NCAPH2: variants seen among roughly 807,000 people sequenced by gnomAD.
NCAPH2 encodes the protein condensin-2 complex subunit H2.
Under a neutral mutation model 88.6 loss-of-function variants are expected in NCAPH2, and 56 were observed. That is an observed-to-expected ratio of 0.63 (90% confidence interval 0.51 to 0.79). NCAPH2 has a LOEUF of 0.79. NCAPH2 is among the 30% of genes least tolerant of loss of function. The probability of loss-of-function intolerance (pLI) is 0.00; values close to 1 mark genes in which losing one functional copy is unlikely to be tolerated. For missense variants in NCAPH2, 794 were observed against 792.0 expected (o/e 1.00, Z -0.03); for synonymous variants, 378 against 313.6 (o/e 1.21, Z -2.17).
chr22:50,516,357 G>A (rs1482027905), intron 1 of NCAPH2, 90 bp from the exon 2 acceptor site: 3 of 1,218,134 alleles, frequency 2.5e-6, no homozygotes, highest in Non-Finnish European at 3.6e-6. Flanking sequence ...GAGGTGCTGG[G>A]CAGAGACCAA....
intron 1 of NCAPH2, among the ~76,000 whole-genome samples, chr22:50,511,285 CTTT>C (rs910583115): frequency 9.1e-6 from 1 of 109,670 alleles, no homozygotes. Context: ...GCCTCAGCCT[CTTT>C]TTTTTTTTTT....
intron 8 of NCAPH2, 31 bp downstream of exon 8, chr22:50,518,763 A>T: frequency 6.4e-7 from 1 of 1,574,498 alleles, no homozygotes; most frequent in Non-Finnish European, 8.6e-7. Flanking sequence ...TGGGACTGGC[A>T]GGGCAGCCAA....
In NCAPH2 at chr22:50,524,054, G is replaced by C; in HGVS notation, c.*679G>C. On this transcript the variant is annotated 3_prime_UTR_variant, in exon 20 of 20. Transcript: ENST00000420993. ...AAGTACATCAGCACCCACTGGCCCC[G>C]GAAGTCAGCCTTGCAGCGAGCCCGG... 1 of 1,613,390 alleles carries C rather than the reference G, an allele frequency of 6.2e-7. No homozygotes were observed. The highest frequency in any genetic ancestry group is 1.7e-5 in the Admixed American group (1 of 60,024).
At chr22:50,516,311 G>C in intron 1 of NCAPH2, 136 bp from the exon 2 acceptor site, 6 of 698,228 alleles carry the variant, frequency 8.6e-6, no homozygotes, top group Non-Finnish European at 1.2e-5. Flanking sequence ...GGGACAACCG[G>C]TGAGCCCACA....
chr22:50,522,029 G>A lies in NCAPH2; in HGVS notation c.1152G>A (p.Pro384=), dbSNP rs1225217111. The part of the protein sequence containing the change: ...ADSRRLRRKG[P]SFADMEVLYW... ...GCAGGCGGCTTCGGCGAAAGGGTCCGTCCTTTGCAGGTGAGGCTGAAGTCC... is the reference window on the plus strand; with the variant it reads ...GCAGGCGGCTTCGGCGAAAGGGTCCATCCTTTGCAGGTGAGGCTGAAGTCC... The change falls in exon 13 of 20, where the codon CCG becomes CCA. Residue 384 remains proline (P), a synonymous_variant. Transcript: ENST00000420993. 1.1e-5 allele frequency: 17 copies of A among 1,613,918 alleles called. No homozygotes were observed. In the Admixed American group the frequency reaches 1.5e-4, roughly 14 times the overall value.
intron 9 of NCAPH2, among the ~76,000 whole-genome samples, chr22:50,520,061 G>A (rs1252224527): frequency 1.3e-5 from 2 of 151,890 alleles, no homozygotes; most frequent in Admixed American, 6.6e-5. Context: ...TAGTAGAGAC[G>A]GGGTTTCACC....
At chr22:50,518,468 G>A (rs1379415704) in intron 7 of NCAPH2, among the ~76,000 whole-genome samples, 181 bp from the exon 8 acceptor site, 2 of 152,174 alleles carry the variant, frequency 1.3e-5, no homozygotes, top group Non-Finnish European at 2.9e-5. Flanking sequence ...AAGTTAACAT[G>A]GTCTCAGTGC....
chr22:50,523,652 C>G lies in NCAPH2; in HGVS notation c.*277C>G. On this transcript the variant is annotated 3_prime_UTR_variant, in exon 20 of 20. Transcript: ENST00000420993. ...CGGAAAGCCGCCATGTGCCGCCGCACACTGTCTGAGATCTGCTCAGCCGAT... is the reference window on the plus strand; with the variant it reads ...CGGAAAGCCGCCATGTGCCGCCGCAGACTGTCTGAGATCTGCTCAGCCGAT... 6.2e-7 allele frequency: 1 copy of G among 1,614,004 alleles called. No homozygotes were observed.
chr22:50,521,437 C>A, intron 10 of NCAPH2, 106 bp from the exon 11 acceptor site: 1 of 1,193,108 alleles, frequency 8.4e-7, no homozygotes, highest in Non-Finnish European at 1.2e-6. Flanking sequence ...CGGCTGTGTA[C>A]CCCCTACTCT....
chr22:50,523,356 C>A lies in NCAPH2; in HGVS notation c.1799C>A (p.Pro600His), dbSNP rs906544182. 3.9e-6 allele frequency: 6 copies of A among 1,552,930 alleles called. No homozygotes were observed. The highest frequency in any genetic ancestry group is 5.2e-6 in the Non-Finnish European group (6 of 1,148,662). ...AAGCGCTTCCAGACCTACGCTGCCC[C>A]CTCCATGGCCCAGCCCTGAGTGGGG... ...AHKRFQTYAA[P>H]SMAQP is the part of the protein sequence containing the mutation. Residue 600 changes from proline (P) to histidine (H), a missense_variant, in exon 20 of 20, where the codon CCC (proline) becomes CAC (histidine). Pro to His is a moderately conservative substitution (Grantham distance 77). Transcript: ENST00000420993.
Position 50,523,873 on chromosome 22 carries a change from T to C in NCAPH2, c.*498T>C, listed in dbSNP as rs1416767658. 8 of 1,613,870 alleles carry C rather than the reference T, an allele frequency of 5.0e-6. No individual in the cohort carries two copies. Among genetic ancestry groups the C allele is most frequent in the Non-Finnish European group, 5.9e-6 (7 of 1,180,040 alleles). On this transcript the variant is annotated 3_prime_UTR_variant, in exon 20 of 20. Transcript: ENST00000420993. ...CAGTCTTGGGTGGAAGTCCTGGACG[T>C]AGCGGGCCATGGCTTCAACGTCGTC... is the stretch of plus-strand genomic sequence containing the variant.
chr22:50,519,709 C>T, intron 9 of NCAPH2: 1 of 1,067,516 alleles, frequency 9.4e-7, no homozygotes, highest in African/African-American at 1.7e-5. Flanking sequence ...AGCCTAGAGC[C>T]AAGAAATCCT....
chr22:50,521,494 G>T, intron 10 of NCAPH2, 49 bp from the exon 11 acceptor site: 2 of 1,592,244 alleles, frequency 1.3e-6, no homozygotes, highest in South Asian at 2.2e-5. Flanking sequence ...TGGGAGGGAC[G>T]GCTGTGCACC....
intron 10 of NCAPH2, 44 bp downstream of exon 10, chr22:50,521,080 G>C: frequency 6.5e-7 from 1 of 1,540,180 alleles, no homozygotes; most frequent in Non-Finnish European, 8.8e-7. Flanking sequence ...AGGGATGGGC[G>C]GATTCGAGGA....
rs2069248842 is a variant in NCAPH2 at position 50,524,588 on chromosome 22, C to G, written c.*1213C>G. ...CCTGAGCTCAGAACTCCACCTCCAC[C>G]AAACATCCACACCTGGGCAACCACA... is the stretch of plus-strand genomic sequence containing the variant. On this transcript the variant is annotated 3_prime_UTR_variant, in exon 20 of 20. Coordinates refer to ENST00000420993, the MANE Select transcript of NCAPH2 (RefSeq NM_152299.4). 1.4e-6 allele frequency: 1 copy of G among 730,736 alleles called. No individual in the cohort carries two copies. The highest frequency in any genetic ancestry group is 2.5e-6 in the Non-Finnish European group (1 of 398,760). 45.3% of individuals were successfully genotyped at this position (730,736 alleles called of 1,614,324 possible). A position where few individuals can be genotyped will look rare whatever the true frequency, so the allele number is the denominator to read the frequency against.
intron 9 of NCAPH2, 51 bp from the exon 10 acceptor site, chr22:50,520,914 G>A: frequency 1.9e-6 from 3 of 1,545,428 alleles, no homozygotes; most frequent in Admixed American, 2.0e-5. Context: ...GGTACCCAGA[G>A]CCTTGAGGGG....
rs1569520960 is a variant in NCAPH2, at chr22:50,521,036, G to C, written c.933G>C (p.Lys311Asn). The change falls in exon 10 of 20, where the codon AAG becomes AAC. Residue 311 changes from lysine (K) to asparagine (N), a missense_variant and splice_region_variant. By Grantham distance (94) the Lys-to-Asn change is moderately conservative (BLOSUM62 0). Transcript: ENST00000420993. Reference sequence around the variant, plus strand: ...CCCCAGAGCCTGCATCCTGCGTGAAGGTAGGAGTGTTGGGGCCCTGACCCC... The same window carrying C: ...CCCCAGAGCCTGCATCCTGCGTGAACGTAGGAGTGTTGGGGCCCTGACCCC... ...EGAPEPASCV[K>N]ETPDPWQSLD... 1 of 1,550,308 alleles carries C rather than the reference G, an allele frequency of 6.5e-7. No homozygotes were observed. The highest frequency in any genetic ancestry group is 8.7e-7 in the Non-Finnish European group (1 of 1,146,814).
chr22:50,517,737 C>T lies in NCAPH2; in HGVS notation c.352-4C>T, dbSNP rs780923245. 18 of 1,613,986 alleles carry T rather than the reference C, an allele frequency of 1.1e-5. No individual in the cohort carries two copies. Among genetic ancestry groups the T allele is most frequent in the Non-Finnish European group, 1.4e-5 (16 of 1,180,052 alleles). On this transcript the variant is annotated splice_polypyrimidine_tract_variant and splice_region_variant and intron_variant, in intron 4 of 19. Transcript: ENST00000420993. ...CCGCCCCCACGAGCTCTGTCTCCCT[C>T]CAGTTCCTGTCGCTGGATGACTTCC...
At chr22:50,510,961 C>T (rs1011598424) in intron 1 of NCAPH2, among the ~76,000 whole-genome samples, 1 of 151,454 alleles carries the variant, frequency 6.6e-6, no homozygotes, top group East Asian at 1.9e-4. Context: ...ATTTTCCTGC[C>T]TCAGCTTCCC....
Sources: gnomAD v4.1 joint callset for allele counts (sites outside exome capture counted in the v4.1 genomes callset) on GRCh38, gnomAD v4.1.1 for gene constraint, MANE v1.5 for transcripts, NCBI Gene and HGNC (gene_info 2026-07-23, HGNC 2026-07-21) for gene names.